The following GPR158 variants were observed in gnomAD, a reference collection of about 807,000 sequenced individuals.
GPR158 encodes G protein-coupled receptor 158.
Under a neutral mutation model 78.2 loss-of-function variants are expected in GPR158, and 30 were observed. The observed-to-expected ratio is 0.38, with a 90% CI of 0.29 to 0.52. The LOEUF is 0.52. GPR158 is among the 20% of genes least tolerant of loss of function. The pLI is 0.83. For synonymous variants in GPR158, 581 were observed against 591.1 expected (o/e 0.98, Z 0.25); for missense variants, 1,463 against 1,523.5 (o/e 0.96, Z 0.66).
At chr10:25,471,844 T>C (rs1835508823) in intron 5 of GPR158, among the ~76,000 whole-genome samples, 1 of 152,234 alleles carries the variant, frequency 6.6e-6, no homozygotes, top group African/African-American at 2.4e-5. Flanking sequence ...TCGTATTCTT[T>C]GTAGATTCTG....
At chr10:25,428,417 A>C (rs1161252532) in intron 4 of GPR158, among the ~76,000 whole-genome samples, 2 of 152,082 alleles carry the variant, frequency 1.3e-5, no homozygotes, top group African/African-American at 4.8e-5. Flanking sequence ...ATTAGCTGGC[A>C]CTGATGAGAC....
chr10:25,576,679 A>G (rs1446001906), intron 7 of GPR158, among the ~76,000 whole-genome samples: 2 of 152,144 alleles, frequency 1.3e-5, no homozygotes, highest in African/African-American at 4.8e-5. Flanking sequence ...AGAGGTACAG[A>G]GAAGCTAAGA....
At chr10:25,388,637 T>A (rs1172930747) in intron 2 of GPR158, among the ~76,000 whole-genome samples, 1 of 152,204 alleles carries the variant, frequency 6.6e-6, no homozygotes, top group Non-Finnish European at 1.5e-5. Context: ...TGGTCAGGCA[T>A]GAAGGGCGGG....
intron 6 of GPR158, among the ~76,000 whole-genome samples, chr10:25,569,460 C>T: frequency 6.6e-6 from 1 of 152,114 alleles, no homozygotes; most frequent in Middle Eastern, 3.2e-3. Flanking sequence ...AAATATTTAT[C>T]ACATTTTAAC....
At chr10:25,306,983 TCA>T (rs142323718) in intron 2 of GPR158, among the ~76,000 whole-genome samples, 84 of 140,034 alleles carry the variant, frequency 6.0e-4, no homozygotes, top group African/African-American at 1.8e-3. Context: ...GGGGAGAGAG[TCA>T]CACACACACA....
intron 2 of GPR158, among the ~76,000 whole-genome samples, chr10:25,319,956 T>A (rs937137393): frequency 6.6e-6 from 1 of 152,206 alleles, no homozygotes; most frequent in Non-Finnish European, 1.5e-5. Flanking sequence ...ACTTGAACTT[T>A]GGGATTGTTC....
intron 3 of GPR158, among the ~76,000 whole-genome samples, chr10:25,408,027 C>T (rs1834537202): frequency 6.6e-6 from 1 of 152,168 alleles, no homozygotes; most frequent in Non-Finnish European, 1.5e-5. Flanking sequence ...ATAGTCTCTG[C>T]TTATCCCATC....
chr10:25,440,244 AG>A (rs1263858291), intron 4 of GPR158, among the ~76,000 whole-genome samples: 2 of 152,214 alleles, frequency 1.3e-5, no homozygotes, highest in Admixed American at 1.3e-4. Context: ...GGCTCAGTAC[AG>A]GGGCCTGGGC....
intron 2 of GPR158, among the ~76,000 whole-genome samples, chr10:25,319,675 T>C (rs1414408728): frequency 6.6e-6 from 1 of 152,156 alleles, no homozygotes; most frequent in Non-Finnish European, 1.5e-5. Context: ...TAGTTGCTGG[T>C]TGAGAAATTT....
chr10:25,295,468 C>T (rs1019631896), intron 2 of GPR158, among the ~76,000 whole-genome samples: 3 of 152,156 alleles, frequency 2.0e-5, no homozygotes, highest in Admixed American at 6.5e-5. Flanking sequence ...GGCTGGAGTG[C>T]AGTGGTGGGA....
intron 3 of GPR158, among the ~76,000 whole-genome samples, chr10:25,403,700 A>G (rs1374465773): frequency 2.6e-5 from 4 of 152,016 alleles, no homozygotes; most frequent in Non-Finnish European, 5.9e-5. Context: ...GCTAACTCAT[A>G]TTCTTAATGT....
chr10:25,302,067 CTTTTTTTT>C (rs200536212), intron 2 of GPR158, among the ~76,000 whole-genome samples: 1 of 133,970 alleles, frequency 7.5e-6, no homozygotes, highest in Non-Finnish European at 1.6e-5. Context: ...TAATTTGTTC[CTTTTTTTT>C]TTTTTTTTTT....
At chr10:25,241,190 C>CT (rs1853608845) in intron 2 of GPR158, among the ~76,000 whole-genome samples, 1 of 53,438 alleles carries the variant, frequency 1.9e-5, no homozygotes, top group African/African-American at 9.4e-5. Flanking sequence ...TCTTTCTTTC[C>CT]TTTCTTTCTT....
chr10:25,462,936 A>T (rs1405351405), intron 4 of GPR158, among the ~76,000 whole-genome samples: 1 of 152,192 alleles, frequency 6.6e-6, no homozygotes, highest in Non-Finnish European at 1.5e-5. Context: ...AAGAGGATTG[A>T]CTCCAATTTT....
chr10:25,427,220 GAGA>G (rs1173959442), intron 4 of GPR158, among the ~76,000 whole-genome samples: 2 of 152,060 alleles, frequency 1.3e-5, no homozygotes, highest in Non-Finnish European at 2.9e-5. Flanking sequence ...AGGGTGTTGG[GAGA>G]AGGTCGAACC....
chr10:25,579,431 G>T (rs1471572687), intron 7 of GPR158, among the ~76,000 whole-genome samples: 1 of 152,142 alleles, frequency 6.6e-6, no homozygotes, highest in African/African-American at 2.4e-5. Context: ...CAGTATGGGG[G>T]ACCCAAATTT....
intron 2 of GPR158, among the ~76,000 whole-genome samples, chr10:25,366,400 A>G (rs989304293): frequency 1.3e-5 from 2 of 151,680 alleles, no homozygotes; most frequent in African/African-American, 4.8e-5. Context: ...AGTTTTGTCC[A>G]TTTTGATGAC....
chr10:25,584,216 A>C (rs6482500), intron 7 of GPR158, among the ~76,000 whole-genome samples: 8,632 of 152,186 alleles, frequency 0.057, 309 homozygotes, highest in African/African-American at 0.11. Flanking sequence ...TCTAAAGAAG[A>C]AGCACAACAC....
At position 25,352,073 on chromosome 10, in the gene GPR158, AT is replaced by A. The variant is rs1855481237; in HGVS notation, c.1009-43837del. 2.0e-5 allele frequency among the ~76,000 whole-genome samples: 3 copies of A among 152,010 alleles called. No individual in the cohort carries two copies. In the South Asian group the frequency reaches 6.2e-4, roughly 31 times the overall value. ...ATCCCCTCCCAGTTCTGGCCCTTGC[AT>A]CAGAAACCCCTGCAACCTCCCAAAC... On this transcript the variant is annotated intron_variant, in intron 2 of 10. Transcript: ENST00000376351.
Sources: gnomAD v4.1 joint callset for allele counts (sites outside exome capture counted in the v4.1 genomes callset) on GRCh38, gnomAD v4.1.1 for gene constraint, MANE v1.5 for transcripts, NCBI Gene and HGNC (gene_info 2026-07-23, HGNC 2026-07-21) for gene names.